The following STAB2 variants were observed in gnomAD, a reference collection of about 807,000 sequenced individuals.
STAB2 encodes the protein stabilin 2, also known as stabilin-2.
In STAB2, 288 loss-of-function variants were observed where a neutral mutation model predicts 338.1. The observed-to-expected ratio is 0.85, with a 90% CI of 0.77 to 0.94. STAB2 has a LOEUF of 0.94. STAB2 is among the 40% of genes least tolerant of loss of function. STAB2 has a pLI of 0.00. For missense variants in STAB2, 3,141 were observed against 3,210.1 expected, an observed-to-expected ratio of 0.98 and a Z score of 0.52; for synonymous variants, 1,202 against 1,193.3, an observed-to-expected ratio of 1.01 and a Z score of -0.15.
At chr12:103,630,510 T>C (rs1029326900) in intron 5 of STAB2, among the ~76,000 whole-genome samples, 5 of 152,222 alleles carry the variant, frequency 3.3e-5, no homozygotes, top group Admixed American at 6.5e-5. Flanking sequence ...TGTTAGGTTA[T>C]ATGGCAAAGG....
chr12:103,657,062 A>C (rs937275708), intron 15 of STAB2, among the ~76,000 whole-genome samples: 3 of 152,152 alleles, frequency 2.0e-5, no homozygotes, highest in African/African-American at 7.2e-5. Flanking sequence ...CAACATATGA[A>C]AAGATTAGTT....
At chr12:103,674,243 A>C (rs992032468) in intron 23 of STAB2, among the ~76,000 whole-genome samples, 156 bp downstream of exon 23, 3 of 152,172 alleles carry the variant, frequency 2.0e-5, no homozygotes, top group Admixed American at 6.5e-5. Flanking sequence ...GTGTTTGTGA[A>C]AAGAACCTCA....
At chr12:103,677,417 G>T in intron 24 of STAB2, 36 bp from the exon 25 acceptor site, 1 of 1,584,186 alleles carries the variant, frequency 6.3e-7, no homozygotes, top group Non-Finnish European at 8.6e-7. Flanking sequence ...CTGGACTGAG[G>T]ATTCAGAGGC....
chr12:103,690,318 A>G, intron 29 of STAB2, 106 bp from the exon 30 acceptor site: 1 of 1,050,112 alleles, frequency 9.5e-7, no homozygotes, highest in Admixed American at 2.7e-5. Context: ...GGGAACTTGA[A>G]TTTTGACTAT....
chr12:103,712,222 G>T, intron 40 of STAB2, 145 bp from the exon 41 acceptor site: 1 of 719,238 alleles, frequency 1.4e-6, no homozygotes. Context: ...GCCAGAATTA[G>T]ACTCTTCTCC....
chr12:103,766,350 A>AGAT lies in STAB2; in HGVS notation c.*16_*18dup, dbSNP rs542150436. Reference sequence around the variant, plus strand: ...AGGACACTGTGAGGGCCTGGACGGGAGATGCCAGCCATCACTCACTGCCAC... The same window carrying AGAT: ...AGGACACTGTGAGGGCCTGGACGGGAGATGATGCCAGCCATCACTCACTGCCAC... On this transcript the variant is annotated 3_prime_UTR_variant, in exon 69 of 69. Transcript: ENST00000388887. The AGAT allele has an allele frequency of 6.2e-7, 1 of 1,600,836 alleles. No homozygotes were observed. Among genetic ancestry groups the AGAT allele is most frequent in the Non-Finnish European group, 8.5e-7 (1 of 1,172,122 alleles).
At chr12:103,721,344 C>T (rs189112002) in intron 44 of STAB2, among the ~76,000 whole-genome samples, 1 of 152,208 alleles carries the variant, frequency 6.6e-6, no homozygotes, top group East Asian at 1.9e-4. Flanking sequence ...AGCCAGGGGT[C>T]CTGGGAAGAG....
At chr12:103,714,441 T>C (rs1880138894) in intron 42 of STAB2, among the ~76,000 whole-genome samples, 1 of 152,216 alleles carries the variant, frequency 6.6e-6, no homozygotes, top group Non-Finnish European at 1.5e-5. Flanking sequence ...GGCTCACACC[T>C]CTAATCCCAG....
At chr12:103,630,968 A>G (rs1957451486) in intron 5 of STAB2, among the ~76,000 whole-genome samples, 1 of 152,250 alleles carries the variant, frequency 6.6e-6, no homozygotes. Context: ...AGGGCTGGCC[A>G]TAGGATGACA....
At chr12:103,669,729 C>A (rs1451845370) in intron 21 of STAB2, 102 bp downstream of exon 21, 4 of 1,037,052 alleles carry the variant, frequency 3.9e-6, no homozygotes, top group Admixed American at 4.1e-5. Context: ...TCCCAGGAAG[C>A]AAAAGAAATG....
rs759021892 is a variant in STAB2, at chr12:103,591,001, C to A, written c.186C>A (p.Thr62=). 7.4e-6 allele frequency: 12 copies of A among 1,613,974 alleles called. No individual in the cohort carries two copies. Among genetic ancestry groups the A allele is most frequent in the African/African-American group, 1.3e-5 (1 of 74,882 alleles). ...GCCCGGATGGTTACACCATGATTAC[C>A]AGTGGCTCTGTAGGGGTTCGAGATT... is the stretch of plus-strand genomic sequence containing the variant. The part of the protein sequence containing the change: ...VKCPDGYTMI[T]SGSVGVRDCR... The change falls in exon 2 of 69, where the codon ACC becomes ACA. Residue 62 remains threonine (T), a synonymous_variant. Coordinates refer to ENST00000388887, the MANE Select transcript of STAB2 (RefSeq NM_017564.10).
intron 45 of STAB2, 71 bp from the exon 46 acceptor site, chr12:103,726,045 T>C: frequency 6.4e-7 from 1 of 1,552,714 alleles, no homozygotes; most frequent in Non-Finnish European, 8.9e-7. Context: ...AGAGAAATCA[T>C]CCCATGACAA....
chr12:103,756,584 C>G lies in STAB2; in HGVS notation c.6987+866C>G, dbSNP rs920860535. 5.9e-5 allele frequency among the ~76,000 whole-genome samples: 9 copies of G among 152,188 alleles called. No individual in the cohort carries two copies. In the South Asian group the frequency reaches 8.3e-4, roughly 14 times the overall value. ...AGGCTTAGCAAGGCCAAGGACACAG[C>G]CTAACTCATCAGAGCTGGGCTCAAT... is the stretch of plus-strand genomic sequence containing the variant. On this transcript the variant is annotated intron_variant, in intron 63 of 68. Coordinates refer to ENST00000388887, the MANE Select transcript of STAB2 (RefSeq NM_017564.10).
chr12:103,684,402 G>A (rs1312004899), intron 26 of STAB2, among the ~76,000 whole-genome samples: 2 of 152,120 alleles, frequency 1.3e-5, no homozygotes, highest in Non-Finnish European at 2.9e-5. Context: ...TTCTCTGATA[G>A]AAGAAAAATG....
At position 103,704,571 on chromosome 12, in the gene STAB2, C is replaced by T; in HGVS notation, c.3857C>T (p.Thr1286Ile). ...TGTTTTACCAAGGGAAGATGTAGGA[C>T]ATGCTCCTCAGAGCTGACCTGCCCA... ...DTTIIRGRCR[T>I]CSSELTCPFG... Residue 1286 changes from threonine to isoleucine, a missense_variant, in exon 36 of 69, where the codon ACA (threonine) becomes ATA (isoleucine). Physicochemically the swap from Thr to Ile is moderately conservative, Grantham distance 89 (BLOSUM62 -1). Coordinates refer to ENST00000388887, the MANE Select transcript of STAB2 (RefSeq NM_017564.10). 6.2e-7 allele frequency: 1 copy of T among 1,613,648 alleles called. No individual in the cohort carries two copies. Among genetic ancestry groups the T allele is most frequent in the African/African-American group, 1.3e-5 (1 of 75,038 alleles).
At position 103,718,813 on chromosome 12, in the gene STAB2, A is replaced by G. The variant is rs909937394; in HGVS notation, c.4683+972A>G. Among the ~76,000 whole-genome samples, 5 of 152,206 alleles carry G rather than the reference A, an allele frequency of 3.3e-5. No individual in the cohort carries two copies. In the East Asian group the frequency reaches 7.7e-4, roughly 23 times the overall value. ...TAGATTCCTCCCAGCCCTGATCCAC[A>G]TGACTCTAGGGTTTTCGGTTGGTTT... On this transcript the variant is annotated intron_variant, in intron 44 of 68. Coordinates refer to ENST00000388887, the MANE Select transcript of STAB2 (RefSeq NM_017564.10).
chr12:103,601,229 C>T (rs1318698608), intron 3 of STAB2, among the ~76,000 whole-genome samples: 2 of 151,556 alleles, frequency 1.3e-5, no homozygotes, highest in African/African-American at 2.4e-5. Flanking sequence ...GTCTACATTG[C>T]TAAAATAACA....
intron 43 of STAB2, 124 bp from the exon 44 acceptor site, chr12:103,717,646 C>G (rs1213020871): frequency 1.4e-6 from 1 of 737,814 alleles, no homozygotes. Flanking sequence ...ATATTACCAA[C>G]GTCAAATAGA....
chr12:103,700,099 A>G (rs940205813), intron 34 of STAB2, among the ~76,000 whole-genome samples: 7 of 152,382 alleles, frequency 4.6e-5, no homozygotes, highest in Admixed American at 1.3e-4. Context: ...TCTAGTGTTC[A>G]TCTCACATGA....
Sources: gnomAD v4.1 joint callset for allele counts (sites outside exome capture counted in the v4.1 genomes callset) on GRCh38, gnomAD v4.1.1 for gene constraint, MANE v1.5 for transcripts, NCBI Gene and HGNC (gene_info 2026-07-23, HGNC 2026-07-21) for gene names.